Variants in ESPNL observed in about 807,000 individuals in gnomAD.
ESPNL encodes the protein espin-like protein.
Under a neutral mutation model 46.8 loss-of-function variants are expected in ESPNL, and 49 were observed. That is an observed-to-expected ratio of 1.05 (90% CI 0.83 to 1.33). ESPNL has a LOEUF of 1.33. Among genes scored for constraint, ESPNL ranks in the 40% most tolerant of loss-of-function variants. The pLI, the probability that ESPNL is intolerant of heterozygous loss-of-function variation, is 0.00. For synonymous variants in ESPNL, 664 were observed against 662.1 expected (o/e 1.00, Z -0.04); for missense variants, 1,540 against 1,436.6 (o/e 1.07, Z -1.16).
In ESPNL at chr2:238,124,496, C is replaced by T. The variant is rs901715292; in HGVS notation, c.988-774C>T. ...CCCATGTCAGGGCTGAAGTTCCAGGCGGACCACAGCACAGGAGTCAGGGCA... is the reference window on the plus strand; with the variant it reads ...CCCATGTCAGGGCTGAAGTTCCAGGTGGACCACAGCACAGGAGTCAGGGCA... On this transcript the variant is annotated intron_variant, in intron 5 of 8. Coordinates refer to ENST00000343063, the MANE Select transcript of ESPNL (RefSeq NM_194312.4). Among the ~76,000 whole-genome samples, 2 of 152,146 alleles carry T rather than the reference C, an allele frequency of 1.3e-5. 1 individual carries two copies. The highest frequency in any genetic ancestry group is 1.3e-4 in the Admixed American group (2 of 15,280).
At chr2:238,118,000 G>A (rs1445761619) in intron 5 of ESPNL, among the ~76,000 whole-genome samples, 1 of 151,496 alleles carries the variant, frequency 6.6e-6, no homozygotes, top group East Asian at 1.9e-4. Flanking sequence ...GAAGGTGGAT[G>A]GAGGAGGAAT....
chr2:238,104,526 C>G (rs1691551639), intron 2 of ESPNL, 130 bp from the exon 3 acceptor site: 2 of 1,074,284 alleles, frequency 1.9e-6, no homozygotes, highest in Non-Finnish European at 2.6e-6. Context: ...CCCGCAGCAG[C>G]AGCTGGAAAG....
chr2:238,130,534 T>C lies in ESPNL; in HGVS notation c.1820T>C (p.Leu607Pro). 6.3e-7 allele frequency: 1 copy of C among 1,592,978 alleles called. No individual in the cohort carries two copies. Among genetic ancestry groups the C allele is most frequent in the Non-Finnish European group, 8.5e-7 (1 of 1,170,304 alleles). Residue 607 changes from leucine to proline, a missense_variant, in exon 9 of 9, where the codon CTG becomes CCG. Transcript: ENST00000343063. ...SRLVRSLSLLLKGVHGLVQGD... is the reference protein window; with the variant it reads ...SRLVRSLSLLPKGVHGLVQGD... ...CTGGTACGCAGCCTGTCCCTGCTGC[T>C]GAAGGGCGTGCATGGGCTAGTACAG...
rs1691489786 is a variant in ESPNL at position 238,101,982 on chromosome 2, C to T, written c.336C>T (p.Ala112=). ...ASGVSPLHLA[A]RFGHPVLVEW... ...GCGTCTCCCCGCTGCACCTGGCCGC[C>T]CGTTTTGGACACCCAGTGCTGGTGG... Residue 112 remains alanine, a synonymous_variant, in exon 2 of 9, where the codon GCC becomes GCT. Coordinates refer to ENST00000343063, the MANE Select transcript of ESPNL (RefSeq NM_194312.4). 1.2e-6 allele frequency: 2 copies of T among 1,610,544 alleles called. No individual in the cohort carries two copies. Among genetic ancestry groups the T allele is most frequent in the East Asian group, 4.5e-5 (2 of 44,842 alleles).
chr2:238,101,857 GCCCT>G, intron 1 of ESPNL, 80 bp from the exon 2 acceptor site: 1 of 1,005,806 alleles, frequency 9.9e-7, no homozygotes, highest in South Asian at 1.5e-5. Context: ...GGCAGTGTGA[GCCCT>G]CGCCCAGGGC....
rs1185713030 is a variant in ESPNL at position 238,130,479 on chromosome 2, C to G, written c.1765C>G (p.Leu589Val). The change falls in exon 9 of 9, where the codon CTG (leucine) becomes GTG (valine). Residue 589 changes from leucine (L) to valine (V), a missense_variant. Transcript: ENST00000343063. ...AGAGGTGGCCCCCGGGGTGCAGCCC[C>G]TGCCCTTCTGGTGCAGCCACATCTC... is the stretch of plus-strand genomic sequence containing the variant. ...ASEVAPGVQP[L>V]PFWCSHISRL... 1 of 1,599,090 alleles carries G rather than the reference C, an allele frequency of 6.3e-7. No homozygotes were observed. The highest frequency in any genetic ancestry group is 8.5e-7 in the Non-Finnish European group (1 of 1,173,198).
At chr2:238,118,262 AATG>A in intron 5 of ESPNL, among the ~76,000 whole-genome samples, 1 of 102,976 alleles carries the variant, frequency 9.7e-6, no homozygotes, top group East Asian at 4.6e-4. Context: ...TGGATGGAGG[AATG>A]GATGGTGGAG....
intron 3 of ESPNL, among the ~76,000 whole-genome samples, chr2:238,106,116 G>C (rs1691593248): frequency 6.6e-6 from 1 of 152,232 alleles, no homozygotes; most frequent in Admixed American, 6.5e-5. Context: ...CCTGGCCTTG[G>C]TGGTGGTTTC....
chr2:238,128,630 C>T, intron 7 of ESPNL, 77 bp from the exon 8 acceptor site: 3 of 1,440,308 alleles, frequency 2.1e-6, no homozygotes, highest in Non-Finnish European at 2.8e-6. Flanking sequence ...GCCAACCCCC[C>T]ACGTCCTCTC....
chr2:238,129,844 T>C (rs1221707248), intron 8 of ESPNL, among the ~76,000 whole-genome samples: 2 of 152,240 alleles, frequency 1.3e-5, no homozygotes, highest in African/African-American at 4.8e-5. Context: ...ACAGCCTGTC[T>C]CCATCGTCTC....
At chr2:238,118,551 A>C (rs1691880925) in intron 5 of ESPNL, among the ~76,000 whole-genome samples, 1 of 90,864 alleles carries the variant, frequency 1.1e-5, no homozygotes, top group Non-Finnish European at 2.1e-5. Flanking sequence ...TGGATGGAAG[A>C]GGTGGATGGA....
At chr2:238,122,617 A>G (rs572629388) in intron 5 of ESPNL, among the ~76,000 whole-genome samples, 1 of 152,168 alleles carries the variant, frequency 6.6e-6, no homozygotes, top group African/African-American at 2.4e-5. Context: ...CTTCCCCAGC[A>G]TAAGAGGGCG....
At chr2:238,116,868 C>T (rs373225779) in intron 4 of ESPNL, 35 bp from the exon 5 acceptor site, 29 of 1,605,992 alleles carry the variant, frequency 1.8e-5, no homozygotes, top group Admixed American at 5.0e-5. Context: ...TGGTTTGTGT[C>T]GTGGTGGGTC....
At chr2:238,127,137 TTG>T (rs1267540976) in intron 6 of ESPNL, among the ~76,000 whole-genome samples, 2 of 116,024 alleles carry the variant, frequency 1.7e-5, no homozygotes, top group African/African-American at 7.6e-5. Context: ...GTCTGTGTGA[TTG>T]TGTCTGTGTT....
chr2:238,126,670 G>A (rs1692128412), intron 6 of ESPNL, among the ~76,000 whole-genome samples: 1 of 151,472 alleles, frequency 6.6e-6, no homozygotes, highest in South Asian at 2.1e-4. Context: ...GATTGTGTCT[G>A]TGTGATTGTG....
At chr2:238,126,189 CGT>C (rs1305667044) in intron 6 of ESPNL, among the ~76,000 whole-genome samples, 1 of 138,420 alleles carries the variant, frequency 7.2e-6, no homozygotes, top group East Asian at 2.2e-4. Flanking sequence ...AGTGTGTGAT[CGT>C]GTCTGTGATT....
chr2:238,128,547 AG>A (rs1692194304), intron 7 of ESPNL, among the ~76,000 whole-genome samples, 159 bp from the exon 8 acceptor site: 2 of 152,046 alleles, frequency 1.3e-5, no homozygotes, highest in East Asian at 1.9e-4. Flanking sequence ...GCTGGGGATG[AG>A]GGGGTGGGGT....
In ESPNL at chr2:238,131,830, G is replaced by A; in HGVS notation, c.*98G>A. 7.4e-7 allele frequency: 1 copy of A among 1,354,154 alleles called. No homozygotes were observed. The highest frequency in any genetic ancestry group is 1.0e-6 in the Non-Finnish European group (1 of 986,522). 83.9% of individuals were successfully genotyped at this position (1,354,154 alleles called of 1,614,324 possible). ...ACACCCTTGGTGTTCAGGTGAGCCG[G>A]GCAAGGCTGCCTCCAGTCCTACCAG... On this transcript the variant is annotated 3_prime_UTR_variant, in exon 9 of 9. Transcript: ENST00000343063.
At chr2:238,118,604 G>A (rs138024411) in intron 5 of ESPNL, among the ~76,000 whole-genome samples, 1 of 103,614 alleles carries the variant, frequency 9.7e-6, no homozygotes, top group Non-Finnish European at 2.2e-5. Context: ...GTGGATGGAA[G>A]AGGGTGGATG....
Sources: allele counts gnomAD v4.1 joint callset (sites outside exome capture counted in the v4.1 genomes callset), GRCh38; gene constraint gnomAD v4.1.1; transcripts MANE v1.5; gene names NCBI Gene and HGNC (gene_info 2026-07-23, HGNC 2026-07-21).